CNTN4: variants seen among roughly 807,000 people sequenced by gnomAD.
CNTN4 encodes the protein contactin 4.
Under a neutral mutation model 122.5 loss-of-function variants are expected in CNTN4, and 77 were observed. That is an observed-to-expected ratio of 0.63 (90% CI 0.52 to 0.76). The LOEUF (loss-of-function observed/expected upper bound fraction) is 0.76, where lower values mean the gene tolerates loss of function less well. Ranked by LOEUF, CNTN4 falls within the 30% of genes least tolerant of loss-of-function variation. The probability of loss-of-function intolerance (pLI) is 0.00; values close to 1 mark genes in which losing one functional copy is unlikely to be tolerated. For missense variants in CNTN4, 1,256 were observed against 1,259.1 expected (o/e 1.00, Z 0.04); for synonymous variants, 512 against 447.0 (o/e 1.15, Z -1.83).
chr3:2,624,361 G>A (rs2082101930), intron 4 of CNTN4, among the ~76,000 whole-genome samples: 1 of 152,008 alleles, frequency 6.6e-6, no homozygotes. Context: ...TTTTTAGAAA[G>A]CTTGAGAGAG....
intron 10 of CNTN4, among the ~76,000 whole-genome samples, chr3:2,891,682 A>C (rs763844081): frequency 2.0e-5 from 3 of 152,192 alleles, no homozygotes; most frequent in Non-Finnish European, 4.4e-5. Context: ...GCAGCAGGGA[A>C]GTCAGTGTTA....
intron 3 of CNTN4, among the ~76,000 whole-genome samples, chr3:2,463,444 A>G (rs915973225): frequency 3.3e-5 from 5 of 152,290 alleles, no homozygotes; most frequent in African/African-American, 9.6e-5. Flanking sequence ...ATATAAAAAT[A>G]TACTGTTTTT....
At chr3:2,100,531 TTC>T (rs2031847676) in intron 1 of CNTN4, 25 bp from the exon 2 acceptor site, 1 of 152,378 alleles carries the variant, frequency 6.6e-6, no homozygotes, top group African/African-American at 2.4e-5. Context: ...AGCAAGTTTG[TTC>T]TCTCTTTCTC....
intron 3 of CNTN4, among the ~76,000 whole-genome samples, chr3:2,469,726 C>A (rs1211639389): frequency 6.6e-6 from 1 of 152,182 alleles, no homozygotes; most frequent in Non-Finnish European, 1.5e-5. Context: ...GCCTTCCATT[C>A]TCTTGATCCA....
intron 2 of CNTN4, among the ~76,000 whole-genome samples, chr3:2,151,888 C>A (rs1302102903): frequency 2.0e-5 from 3 of 152,190 alleles, no homozygotes; most frequent in Non-Finnish European, 4.4e-5. Flanking sequence ...GCCTTCATAA[C>A]TGTAAGAAAT....
chr3:2,588,556 G>T (rs866371690), intron 4 of CNTN4, among the ~76,000 whole-genome samples: 1 of 151,886 alleles, frequency 6.6e-6, no homozygotes, highest in Non-Finnish European at 1.5e-5. Flanking sequence ...TAGTAGAGAC[G>T]GGGTTTTACT....
intron 2 of CNTN4, among the ~76,000 whole-genome samples, chr3:2,282,295 G>T (rs2041745110): frequency 6.6e-6 from 1 of 152,100 alleles, no homozygotes; most frequent in South Asian, 2.1e-4. Context: ...ATTTTGATTG[G>T]TCGTAGTTCC....
chr3:2,996,870 G>C (rs1695584670), intron 14 of CNTN4, among the ~76,000 whole-genome samples: 1 of 152,144 alleles, frequency 6.6e-6, no homozygotes. Context: ...AAAAAGCATA[G>C]ATCTCTCACC....
intron 2 of CNTN4, among the ~76,000 whole-genome samples, chr3:2,220,659 A>C (rs987567255): frequency 6.6e-6 from 1 of 152,138 alleles, no homozygotes; most frequent in Admixed American, 6.6e-5. Flanking sequence ...GATCATCTGA[A>C]AAAAGGAAAT....
chr3:2,450,325 C>A (rs897094808), intron 3 of CNTN4, among the ~76,000 whole-genome samples: 1 of 151,802 alleles, frequency 6.6e-6, no homozygotes, highest in Admixed American at 6.6e-5. Context: ...TGAGATCACA[C>A]CACTGCACTC....
At chr3:2,225,738 C>A (rs2039257191) in intron 2 of CNTN4, among the ~76,000 whole-genome samples, 1 of 152,132 alleles carries the variant, frequency 6.6e-6, no homozygotes, top group African/African-American at 2.4e-5. Context: ...CACCATTCCC[C>A]ATTTGGGGTG....
chr3:2,933,147 G>A (rs548763249), intron 13 of CNTN4, among the ~76,000 whole-genome samples: 46 of 152,262 alleles, frequency 3.0e-4, no homozygotes, highest in African/African-American at 1.1e-3. Flanking sequence ...TTATGAGGCT[G>A]TGATCGGCCT....
chr3:2,499,754 A>T (rs923935359), intron 3 of CNTN4, among the ~76,000 whole-genome samples: 9 of 152,168 alleles, frequency 5.9e-5, no homozygotes, highest in Non-Finnish European at 1.2e-4. Flanking sequence ...AGTAAGTTTT[A>T]AAATGTCTAC....
intron 4 of CNTN4, among the ~76,000 whole-genome samples, chr3:2,596,803 T>C (rs1486369030): frequency 6.6e-6 from 1 of 152,212 alleles, no homozygotes; most frequent in African/African-American, 2.4e-5. Context: ...ATTCTATCCA[T>C]GTAATTTTAA....
chr3:3,002,549 A>G (rs553881492), intron 14 of CNTN4, among the ~76,000 whole-genome samples: 18 of 152,262 alleles, frequency 1.2e-4, no homozygotes, highest in Non-Finnish European at 2.4e-4. Flanking sequence ...ATTTGTGAAT[A>G]TGGGAATCAT....
intron 4 of CNTN4, among the ~76,000 whole-genome samples, chr3:2,644,707 G>T (rs542870492): frequency 1.3e-5 from 2 of 148,474 alleles, no homozygotes; most frequent in Admixed American, 1.4e-4. Context: ...AGGACATTTG[G>T]GCTCTCTGAC....
In CNTN4 at chr3:2,180,408, G is replaced by T. The variant is rs185656081; in HGVS notation, c.-145+79769G>T. ...ATCAATAGTAGAATAGTAGAACTGG[G>T]ATTCAAACTTGGCTATCATCTTTGA... On this transcript the variant is annotated intron_variant, in intron 2 of 24. Transcript: ENST00000418658. 1.4e-3 allele frequency among the ~76,000 whole-genome samples: 211 copies of T among 152,066 alleles called. 2 individuals carry two copies. The highest frequency in any genetic ancestry group is 4.9e-3 in the African/African-American group (205 of 41,524).
chr3:2,433,305 C>G (rs1466280634), intron 3 of CNTN4, among the ~76,000 whole-genome samples: 4 of 152,288 alleles, frequency 2.6e-5, no homozygotes, highest in Non-Finnish European at 4.4e-5. Flanking sequence ...CCAACACTTC[C>G]TTTGTCTCTT....
intron 2 of CNTN4, among the ~76,000 whole-genome samples, chr3:2,120,397 A>T (rs2033677062): frequency 6.5e-5 from 2 of 30,652 alleles, no homozygotes; most frequent in African/African-American, 9.2e-5. Context: ...ATATATATAT[A>T]TATATATATT....
Sources: allele counts gnomAD v4.1 joint callset (sites outside exome capture counted in the v4.1 genomes callset), GRCh38; gene constraint gnomAD v4.1.1; transcripts MANE v1.5; gene names NCBI Gene and HGNC (gene_info 2026-07-23, HGNC 2026-07-21).